NRXN1: variants seen among roughly 807,000 people sequenced by gnomAD.
The protein encoded by NRXN1 is neurexin 1.
NRXN1 carries 39 observed loss-of-function variants against 150.9 expected under a neutral mutation model. That is an observed-to-expected ratio of 0.26 (90% CI 0.20 to 0.34). The LOEUF (loss-of-function observed/expected upper bound fraction) is 0.34, where lower values mean the gene tolerates loss of function less well. Ranked by LOEUF, NRXN1 falls within the 10% of genes least tolerant of loss-of-function variation. The pLI is 1.00. For missense variants in NRXN1, 1,815 were observed against 1,949.9 expected (o/e 0.93, Z 1.30); for synonymous variants, 924 against 757.0 (o/e 1.22, Z -3.62).
At chr2:49,940,178 G>A (rs180937253) in intron 22 of NRXN1, among the ~76,000 whole-genome samples, 71 of 152,108 alleles carry the variant, frequency 4.7e-4, no homozygotes, top group African/African-American at 1.6e-3. Context: ...AGAAGATTTG[G>A]GCAACGCATC....
intron 18 of NRXN1, among the ~76,000 whole-genome samples, chr2:50,096,510 T>C (rs72874698): frequency 0.16 from 23,899 of 152,228 alleles, 2,347 homozygotes; most frequent in East Asian, 0.36. Context: ...CAAATTCTCA[T>C]GAATATTGCA....
At position 50,347,863 on chromosome 2, in the gene NRXN1, G is replaced by A; in HGVS notation, c.3365-110893C>T. On this transcript the variant is annotated intron_variant, in intron 17 of 22. Transcript: ENST00000401669. The surrounding 1 kb of genome is among the most constrained non-coding windows in gnomAD (Gnocchi z 4.9). Reference sequence around the variant, plus strand: ...GATGCAATGCAGAGGACGAGCCTATGTAACGAGGGAGGCTGGTCTAGCTTC... The same window carrying A: ...GATGCAATGCAGAGGACGAGCCTATATAACGAGGGAGGCTGGTCTAGCTTC... The A allele has an allele frequency of 1.0e-6, 1 of 984,968 alleles. No homozygotes were observed. Among genetic ancestry groups the A allele is most frequent in the East Asian group, 1.1e-4 (1 of 8,816 alleles). 61.0% of individuals were successfully genotyped at this position (984,968 alleles called of 1,614,324 possible).
At chr2:50,207,652 C>A in intron 18 of NRXN1, 1 of 168,612 alleles carries the variant, frequency 5.9e-6, no homozygotes. Flanking sequence ...CATCTATGTT[C>A]TTTCAAGCAT....
At chr2:50,702,242 A>AT (rs1693840313) in intron 5 of NRXN1, among the ~76,000 whole-genome samples, 1 of 152,078 alleles carries the variant, frequency 6.6e-6, no homozygotes, top group African/African-American at 2.4e-5. Context: ...ACATATTTTC[A>AT]CATTGAACTC....
intron 5 of NRXN1, chr2:50,918,603 T>C (rs1685552152): frequency 2.7e-6 from 1 of 373,298 alleles, no homozygotes; most frequent in South Asian, 1.3e-4. Context: ...GACTTTTTTG[T>C]AATTTAAATA....
chr2:50,128,152 G>A (rs1475437589), intron 18 of NRXN1, among the ~76,000 whole-genome samples: 1 of 152,182 alleles, frequency 6.6e-6, no homozygotes, highest in Non-Finnish European at 1.5e-5. Context: ...TAGCTGAGAT[G>A]TTTGTCCTGC....
chr2:49,999,679 CTT>C (rs1286907739), intron 21 of NRXN1, among the ~76,000 whole-genome samples: 1 of 152,130 alleles, frequency 6.6e-6, no homozygotes, highest in African/African-American at 2.4e-5. Flanking sequence ...GTTCCTGCCT[CTT>C]TGTCGTATAC....
chr2:50,743,214 C>G (rs1271945835), intron 5 of NRXN1, among the ~76,000 whole-genome samples: 1 of 152,104 alleles, frequency 6.6e-6, no homozygotes, highest in Non-Finnish European at 1.5e-5. Flanking sequence ...GTCCCTACCT[C>G]GTGTCTTTGT....
At chr2:50,422,584 G>A (rs1030349124) in intron 17 of NRXN1, among the ~76,000 whole-genome samples, 5 of 152,034 alleles carry the variant, frequency 3.3e-5, no homozygotes, top group Non-Finnish European at 7.4e-5. Flanking sequence ...TCTAGGGTTG[G>A]CTTTATGTTG....
chr2:50,909,824 TC>T (rs2104076429), intron 5 of NRXN1, among the ~76,000 whole-genome samples: 1 of 152,126 alleles, frequency 6.6e-6, no homozygotes, highest in Non-Finnish European at 1.5e-5. Flanking sequence ...AGCTTTTTCT[TC>T]TTGAGCAGTG....
At chr2:50,709,693 T>C (rs1284936124) in intron 5 of NRXN1, among the ~76,000 whole-genome samples, 2 of 152,154 alleles carry the variant, frequency 1.3e-5, no homozygotes. Context: ...ACTGTTGTTT[T>C]GAACTGATCC....
intron 17 of NRXN1, among the ~76,000 whole-genome samples, chr2:50,348,091 G>T (rs1363477765): frequency 6.6e-6 from 1 of 152,188 alleles, no homozygotes; most frequent in Non-Finnish European, 1.5e-5. Flanking sequence ...AAAAGGGAGA[G>T]AATTCGGGTC....
chr2:50,562,617 T>C (rs775930885), intron 8 of NRXN1, among the ~76,000 whole-genome samples: 3 of 152,176 alleles, frequency 2.0e-5, no homozygotes, highest in Non-Finnish European at 4.4e-5. Flanking sequence ...AAATATGTTG[T>C]CTTCTGTTTA....
At chr2:50,981,535 T>C (rs984052348) in intron 2 of NRXN1, among the ~76,000 whole-genome samples, 2 of 151,406 alleles carry the variant, frequency 1.3e-5, no homozygotes, top group African/African-American at 2.4e-5. Flanking sequence ...TGGAAGATTG[T>C]CTCTTCAGCC....
chr2:50,534,994 A>T (rs1347634997), intron 10 of NRXN1, among the ~76,000 whole-genome samples: 1 of 152,196 alleles, frequency 6.6e-6, no homozygotes, highest in Non-Finnish European at 1.5e-5. Flanking sequence ...AAAGTAATAA[A>T]ACTAGAGTGC....
Position 50,255,521 on chromosome 2 carries a change from A to G in NRXN1, c.3365-18551T>C, listed in dbSNP as rs1291040368. ...AGACTAAAATTACAAGGTGGTTCCA[A>G]TTTGCACATCAGATCCTTGAACACT... On this transcript the variant is annotated intron_variant, in intron 17 of 22. Coordinates refer to ENST00000401669, the MANE Select transcript of NRXN1 (RefSeq NM_001330078.2). Among the ~76,000 whole-genome samples, 8 of 152,160 alleles carry G rather than the reference A, an allele frequency of 5.3e-5. No homozygotes were observed. The East Asian group carries it at 1.5e-3, about 29-fold the overall frequency.
intron 5 of NRXN1, among the ~76,000 whole-genome samples, chr2:50,747,893 T>G (rs1165984596): frequency 6.6e-6 from 1 of 151,970 alleles, no homozygotes; most frequent in Non-Finnish European, 1.5e-5. Flanking sequence ...CAGGAGAAGG[T>G]GTATATGGGA....
intron 15 of NRXN1, among the ~76,000 whole-genome samples, chr2:50,472,795 T>TTTGTG (rs1553657497): frequency 2.2e-5 from 3 of 138,564 alleles, no homozygotes; most frequent in Non-Finnish European, 4.6e-5. Context: ...CCCTACAGCC[T>TTTGTG]TGTGTGTGTG....
At chr2:50,515,045 G>A (rs2105072950) in intron 12 of NRXN1, among the ~76,000 whole-genome samples, 1 of 152,276 alleles carries the variant, frequency 6.6e-6, no homozygotes, top group South Asian at 2.1e-4. Context: ...CACAGCAGGA[G>A]GTGGGCAGCA....
Sources: gnomAD v4.1 joint callset for allele counts (sites outside exome capture counted in the v4.1 genomes callset) on GRCh38, gnomAD v4.1.1 for gene constraint, Gnocchi (gnomAD v3.1) non-coding constraint, MANE v1.5 for transcripts, NCBI Gene and HGNC (gene_info 2026-07-23, HGNC 2026-07-21) for gene names.